CD200R1: variants seen among roughly 807,000 people sequenced by gnomAD.
CD200R1 encodes the protein cell surface glycoprotein CD200 receptor 1.
Under a neutral mutation model 38.1 loss-of-function variants are expected in CD200R1, and 30 were observed. That is an observed-to-expected ratio of 0.79 (90% CI 0.59 to 1.07). The LOEUF (loss-of-function observed/expected upper bound fraction) is 1.07. CD200R1 is among the 50% of genes least tolerant of loss of function. CD200R1 has a pLI of 0.00. For synonymous variants in CD200R1, 128 were observed against 152.1 expected (o/e 0.84, Z 1.16); for missense variants, 372 against 415.4 (o/e 0.90, Z 0.91).
At chr3:112,949,754 A>T (rs1940936444) in intron 1 of CD200R1, among the ~76,000 whole-genome samples, 1 of 152,240 alleles carries the variant, frequency 6.6e-6, no homozygotes, top group African/African-American at 2.4e-5. Flanking sequence ...ACAAACTTTT[A>T]AAAAAGCAGA....
At chr3:112,951,035 A>T (rs1301242825) in intron 1 of CD200R1, among the ~76,000 whole-genome samples, 1 of 152,156 alleles carries the variant, frequency 6.6e-6, no homozygotes, top group African/African-American at 2.4e-5. Context: ...AGCAGAAATC[A>T]ATAAAAGAGG....
At chr3:112,950,402 G>GAA (rs59937779) in intron 1 of CD200R1, among the ~76,000 whole-genome samples, 11 of 83,534 alleles carry the variant, frequency 1.3e-4, no homozygotes, top group Non-Finnish European at 2.0e-4. Context: ...CTCCGTCAAA[G>GAA]AAAAAAAAAA....
At chr3:112,929,634 A>T (rs776839581) in intron 3 of CD200R1, 127 bp from the exon 4 acceptor site, 2 of 834,884 alleles carry the variant, frequency 2.4e-6, no homozygotes, top group Non-Finnish European at 3.5e-6. Context: ...AAAATATTAG[A>T]CCTTCATAAA....
intron 1 of CD200R1, among the ~76,000 whole-genome samples, chr3:112,951,752 G>C (rs1235391317): frequency 1.3e-5 from 2 of 149,738 alleles, no homozygotes; most frequent in African/African-American, 4.9e-5. Flanking sequence ...ACAAACAATT[G>C]GAAAATGAAA....
intron 1 of CD200R1, among the ~76,000 whole-genome samples, chr3:112,948,546 A>G (rs1046951531): frequency 6.6e-6 from 1 of 152,200 alleles, no homozygotes; most frequent in Non-Finnish European, 1.5e-5. Flanking sequence ...ACAGTTCACA[A>G]TAGGGTTCAT....
intron 2 of CD200R1, among the ~76,000 whole-genome samples, chr3:112,942,932 T>A (rs1940760460): frequency 6.6e-6 from 1 of 151,644 alleles, no homozygotes; most frequent in African/African-American, 2.4e-5. Flanking sequence ...AAAGAAATAA[T>A]AATCCTTAAC....
chr3:112,937,287 A>G (rs1432636269), intron 2 of CD200R1, among the ~76,000 whole-genome samples: 1 of 152,076 alleles, frequency 6.6e-6, no homozygotes, highest in East Asian at 1.9e-4. Flanking sequence ...TGATTAAATT[A>G]CCTCCCAGCA....
rs1403747331 is a variant in CD200R1 at position 112,923,201 on chromosome 3, A to G, written c.*476T>C. 1 of 152,174 alleles carries G rather than the reference A, an allele frequency of 6.6e-6. No individual in the cohort carries two copies. The highest frequency in any genetic ancestry group is 2.4e-5 in the African/African-American group (1 of 41,444). The allele number at this position is 152,174 out of a possible 1,614,324, so 9.4% of individuals were successfully genotyped here. On this transcript the variant is annotated 3_prime_UTR_variant, in exon 8 of 8. Transcript: ENST00000308611. ...CTTATATTATTAGGTTTTCATATGT[A>G]TAGAACAGTAATGCAGTGTATTGTT...
chr3:112,929,612 G>C (rs1940378211), intron 3 of CD200R1, 105 bp from the exon 4 acceptor site: 1 of 1,028,128 alleles, frequency 9.7e-7, no homozygotes, highest in Admixed American at 2.8e-5. Context: ...CTTTGTTGGT[G>C]ATCTTATTCC....
At chr3:112,940,516 C>T (rs1466025725) in intron 2 of CD200R1, among the ~76,000 whole-genome samples, 1 of 151,564 alleles carries the variant, frequency 6.6e-6, no homozygotes, top group Admixed American at 6.6e-5. Context: ...TATTTCTGAA[C>T]AGAAGACATA....
Position 112,952,261 on chromosome 3 carries a change from T to G in CD200R1, c.68-4337A>C, listed in dbSNP as rs550073399. Among the ~76,000 whole-genome samples, 4 of 152,316 alleles carry G rather than the reference T, an allele frequency of 2.6e-5. No homozygotes were observed. In the South Asian group the frequency reaches 6.2e-4, roughly 24 times the overall value. Reference sequence around the variant, plus strand: ...TTTTATTTTCTGTAGCTATTAAAAATAGGATTTTCTTTCTTTCTTTCTCAG... The same window carrying G: ...TTTTATTTTCTGTAGCTATTAAAAAGAGGATTTTCTTTCTTTCTTTCTCAG... On this transcript the variant is annotated intron_variant, in intron 1 of 7. Coordinates refer to ENST00000308611, the MANE Select transcript of CD200R1 (RefSeq NM_138806.4).
intron 1 of CD200R1, among the ~76,000 whole-genome samples, chr3:112,974,555 C>A (rs182132416): frequency 1.3e-5 from 2 of 152,046 alleles, no homozygotes; most frequent in Admixed American, 1.3e-4. Flanking sequence ...AGGAAATGGA[C>A]AGTAAGACAA....
In CD200R1 at chr3:112,928,982, G is replaced by C; in HGVS notation, c.603C>G (p.Ile201Met). 6.2e-7 allele frequency: 1 copy of C among 1,613,988 alleles called. No homozygotes were observed. The highest frequency in any genetic ancestry group is 8.5e-7 in the Non-Finnish European group (1 of 1,180,002). The change falls in exon 5 of 8, where the codon ATC (isoleucine) becomes ATG (methionine). Residue 201 changes from isoleucine (I) to methionine (M), a missense_variant. Ile to Met is a conservative substitution (Grantham distance 10). Transcript: ENST00000308611. Reference sequence around the variant, plus strand: ...CACAATCGCCCTCTGGGATCCAGGAGATATGCGCAGCTGGCTTCCCTGCAA... The same window carrying C: ...CACAATCGCCCTCTGGGATCCAGGACATATGCGCAGCTGGCTTCCCTGCAA... ...KAVAGKPAAH[I>M]SWIPEGDCAT...
At chr3:112,927,107 T>G (rs970332681) in intron 5 of CD200R1, among the ~76,000 whole-genome samples, 2 of 151,952 alleles carry the variant, frequency 1.3e-5, no homozygotes, top group African/African-American at 2.4e-5. Context: ...AAAGGGGAGA[T>G]TGGCAGATTG....
intron 1 of CD200R1, among the ~76,000 whole-genome samples, chr3:112,966,322 T>C (rs957990273): frequency 1.1e-4 from 16 of 152,224 alleles, no homozygotes; most frequent in Admixed American, 3.3e-4. Context: ...TTAAGCTCTA[T>C]AGGCAATTTT....
chr3:112,929,133 T>C, intron 4 of CD200R1, 57 bp downstream of exon 4: 1 of 1,612,324 alleles, frequency 6.2e-7, no homozygotes, highest in African/African-American at 1.3e-5. Context: ...CAGAGAGACA[T>C]TTGTTTCCGT....
At chr3:112,974,118 C>G (rs191792941) in intron 1 of CD200R1, among the ~76,000 whole-genome samples, 59 of 152,016 alleles carry the variant, frequency 3.9e-4, no homozygotes, top group African/African-American at 1.4e-3. Flanking sequence ...AATGAGTTAG[C>G]GTTCTTATCT....
chr3:112,921,371 T>C lies in CD200R1; in HGVS notation c.*2306A>G, dbSNP rs1331870335. On this transcript the variant is annotated 3_prime_UTR_variant, in exon 8 of 8. Coordinates refer to ENST00000308611, the MANE Select transcript of CD200R1 (RefSeq NM_138806.4). ...ATCTCAGTAAAGCCGTTTTCAGAAG[T>C]TTGTAAGTGAAGCATAACCCCAATA... 6.6e-6 allele frequency: 1 copy of C among 151,930 alleles called. No individual in the cohort carries two copies. Among genetic ancestry groups the C allele is most frequent in the Non-Finnish European group, 1.5e-5 (1 of 67,986 alleles). The allele number at this position is 151,930 out of a possible 1,614,324, so 9.4% of individuals were successfully genotyped here.
intron 1 of CD200R1, among the ~76,000 whole-genome samples, chr3:112,964,438 C>T (rs1182746487): frequency 2.6e-5 from 4 of 152,214 alleles, no homozygotes; most frequent in Non-Finnish European, 4.4e-5. Flanking sequence ...CCTCCTCTTG[C>T]ATCAGCATGA....
Sources: allele counts gnomAD v4.1 joint callset (sites outside exome capture counted in the v4.1 genomes callset), GRCh38; gene constraint gnomAD v4.1.1; transcripts MANE v1.5; gene names NCBI Gene and HGNC (gene_info 2026-07-23, HGNC 2026-07-21).